TMPRSS11E: variants seen among roughly 807,000 people sequenced by gnomAD.
TMPRSS11E encodes transmembrane protease serine 11E.
Under a neutral mutation model 48.1 loss-of-function variants are expected in TMPRSS11E, and 38 were observed. The observed-to-expected ratio is 0.79, with a 90% CI of 0.61 to 1.04. The LOEUF (loss-of-function observed/expected upper bound fraction) is 1.04, where lower values mean the gene tolerates loss of function less well. Among genes scored for constraint, TMPRSS11E ranks in the 50% least tolerant of loss-of-function variants. The pLI, the probability that TMPRSS11E is intolerant of heterozygous loss-of-function variation, is 0.00. For missense variants in TMPRSS11E, 530 were observed against 510.8 expected (o/e 1.04, Z -0.36); for synonymous variants, 158 against 171.9 (o/e 0.92, Z 0.63).
chr4:68,454,989 T>C (rs1001194625), intron 1 of TMPRSS11E, among the ~76,000 whole-genome samples: 1 of 151,928 alleles, frequency 6.6e-6, no homozygotes, highest in South Asian at 2.1e-4. Context: ...AAACAAGATA[T>C]TGTTAACTAA....
rs920025638 is a variant in TMPRSS11E at position 68,478,739 on chromosome 4, G to C, written c.968-110G>C. 3.4e-6 allele frequency: 4 copies of C among 1,189,924 alleles called. No homozygotes were observed. The East Asian group carries it at 7.2e-5, about 21-fold the overall frequency. The allele number at this position is 1,189,924 out of a possible 1,614,324, so 73.7% of individuals were successfully genotyped here. ...CAAAGTGCTGGGATTACTGGCGTTA[G>C]TCACCGTGCCTGGCCTGTATCACCA... is the stretch of plus-strand genomic sequence containing the variant. On this transcript the variant is annotated intron_variant, in intron 8 of 9. Coordinates refer to ENST00000305363, the MANE Select transcript of TMPRSS11E (RefSeq NM_014058.4).
rs968214378 is a variant in TMPRSS11E, at chr4:68,465,995, G to A, written c.137-636G>A. Among the ~76,000 whole-genome samples the A allele has an allele frequency of 2.6e-5, 4 of 152,162 alleles. No individual in the cohort carries two copies. In the East Asian group the frequency reaches 7.7e-4, roughly 29 times the overall value. On this transcript the variant is annotated intron_variant, in intron 2 of 9. Transcript: ENST00000305363. ...GAGACAGTGGCTAAGGAGCAGACAA[G>A]CCAACCCCTGTGGTTGGTGGGAAAA...
intron 9 of TMPRSS11E, among the ~76,000 whole-genome samples, chr4:68,494,890 T>TA (rs1393221045): frequency 6.6e-6 from 1 of 152,172 alleles, no homozygotes; most frequent in Non-Finnish European, 1.5e-5. Flanking sequence ...AAATGCAACC[T>TA]AAAACTGATA....
At chr4:68,455,250 A>C (rs1728597592) in intron 1 of TMPRSS11E, among the ~76,000 whole-genome samples, 2 of 151,970 alleles carry the variant, frequency 1.3e-5, no homozygotes, top group African/African-American at 4.8e-5. Flanking sequence ...TTGTTTAACA[A>C]ATGCTGAATT....
At chr4:68,457,804 C>T (rs946001696) in intron 1 of TMPRSS11E, among the ~76,000 whole-genome samples, 3 of 124,338 alleles carry the variant, frequency 2.4e-5, no homozygotes, top group Non-Finnish European at 3.9e-5. Flanking sequence ...AAGCCGGAAA[C>T]CATCATTCTC....
rs1729330835 is a variant in TMPRSS11E at position 68,479,130 on chromosome 4, T to C, written c.1110+139T>C. On this transcript the variant is annotated intron_variant, in intron 9 of 9. Coordinates refer to ENST00000305363, the MANE Select transcript of TMPRSS11E (RefSeq NM_014058.4). ...CCCAGTTTTCTCCAATGATTACATC[T>C]CACATAACTATAGTTCAATATAAGA... 6 of 960,064 alleles carry C rather than the reference T, an allele frequency of 6.2e-6. No homozygotes were observed. The African/African-American group carries it at 1.0e-4, about 16-fold the overall frequency. 59.5% of individuals were successfully genotyped at this position (960,064 alleles called of 1,614,324 possible). A position where few individuals can be genotyped will look rare whatever the true frequency, so the allele number is the denominator to read the frequency against.
intron 9 of TMPRSS11E, among the ~76,000 whole-genome samples, chr4:68,484,538 G>A (rs1400469280): frequency 6.6e-6 from 1 of 152,104 alleles, no homozygotes; most frequent in Non-Finnish European, 1.5e-5. Flanking sequence ...GAACTCCTGA[G>A]CTCAAGCAAT....
intron 9 of TMPRSS11E, among the ~76,000 whole-genome samples, chr4:68,490,099 C>G (rs911098083): frequency 3.9e-5 from 6 of 152,188 alleles, no homozygotes; most frequent in African/African-American, 1.4e-4. Flanking sequence ...TTAACTTACT[C>G]CTTCCCCAGG....
intron 2 of TMPRSS11E, among the ~76,000 whole-genome samples, chr4:68,466,134 A>C (rs1452312265): frequency 1.3e-5 from 2 of 152,180 alleles, no homozygotes; most frequent in Non-Finnish European, 2.9e-5. Context: ...CTTGCATTTT[A>C]ATTCCTAACC....
At chr4:68,451,803 AT>A (rs889000677) in intron 1 of TMPRSS11E, among the ~76,000 whole-genome samples, 11 of 151,092 alleles carry the variant, frequency 7.3e-5, no homozygotes, top group South Asian at 2.1e-4. Flanking sequence ...CAGACAGGTA[AT>A]TTTTTTTTGC....
intron 5 of TMPRSS11E, 61 bp downstream of exon 5, chr4:68,471,684 C>T: frequency 7.4e-7 from 1 of 1,360,408 alleles, no homozygotes; most frequent in Non-Finnish European, 9.6e-7. Context: ...TTGATCTTGG[C>T]ACTTATTAAA....
At chr4:68,478,519 A>G (rs1729306535) in intron 8 of TMPRSS11E, among the ~76,000 whole-genome samples, 1 of 125,980 alleles carries the variant, frequency 7.9e-6, no homozygotes, top group Middle Eastern at 5.1e-3. Flanking sequence ...CAGTGGCCCG[A>G]TCTTGGCTCA....
intron 2 of TMPRSS11E, 144 bp from the exon 3 acceptor site, chr4:68,466,487 G>A: frequency 1.3e-6 from 1 of 770,708 alleles, no homozygotes; most frequent in Admixed American, 2.5e-5. Context: ...TAACTATGAG[G>A]CCTGGGGCAG....
At chr4:68,463,610 T>C (rs755035294) in intron 2 of TMPRSS11E, among the ~76,000 whole-genome samples, 4 of 152,198 alleles carry the variant, frequency 2.6e-5, no homozygotes, top group African/African-American at 4.8e-5. Context: ...GACTGAAGCA[T>C]ACTTTAAATA....
At chr4:68,472,291 A>C (rs1304585640) in intron 5 of TMPRSS11E, among the ~76,000 whole-genome samples, 1 of 152,054 alleles carries the variant, frequency 6.6e-6, no homozygotes, top group East Asian at 1.9e-4. Flanking sequence ...TCTGGGCACA[A>C]GTATAATGTT....
intron 5 of TMPRSS11E, among the ~76,000 whole-genome samples, chr4:68,473,167 AAGG>A (rs1482035730): frequency 1.3e-5 from 2 of 152,098 alleles, no homozygotes; most frequent in Admixed American, 1.3e-4. Context: ...CTAGAAGGAA[AAGG>A]AGATCTGGAT....
At chr4:68,491,167 G>C (rs1028644157) in intron 9 of TMPRSS11E, among the ~76,000 whole-genome samples, 8 of 151,842 alleles carry the variant, frequency 5.3e-5, no homozygotes, top group Non-Finnish European at 7.4e-5. Context: ...TGGATTTGCT[G>C]TTTTCCCAAG....
intron 9 of TMPRSS11E, among the ~76,000 whole-genome samples, chr4:68,481,415 C>T (rs887694412): frequency 6.6e-6 from 1 of 152,130 alleles, no homozygotes; most frequent in African/African-American, 2.4e-5. Flanking sequence ...ATTTACATTC[C>T]CACGAGCAGT....
At chr4:68,448,915 C>T (rs542177427) in intron 1 of TMPRSS11E, among the ~76,000 whole-genome samples, 28 of 151,782 alleles carry the variant, frequency 1.8e-4, no homozygotes, top group African/African-American at 6.3e-4. Context: ...CATTTGCTGT[C>T]GTAAATGTGC....
Sources: allele counts gnomAD v4.1 joint callset (sites outside exome capture counted in the v4.1 genomes callset), GRCh38; gene constraint gnomAD v4.1.1; transcripts MANE v1.5; gene names NCBI Gene and HGNC (gene_info 2026-07-23, HGNC 2026-07-21).